The following SETD1A variants were observed in gnomAD, a reference collection of about 807,000 sequenced individuals.
SETD1A encodes histone-lysine N-methyltransferase SETD1A.
SETD1A carries 29 observed loss-of-function variants against 149.9 expected under a neutral mutation model. The ratio of observed to expected loss-of-function variants is 0.19; its 90% CI spans 0.14 to 0.26. SETD1A has a LOEUF of 0.26. Ranked by LOEUF, SETD1A falls within the 10% of genes least tolerant of loss-of-function variation. SETD1A has a pLI of 1.00. For missense variants in SETD1A, 2,109 were observed against 2,353.1 expected (o/e 0.90, Z 2.15); for synonymous variants, 1,141 against 968.5 (o/e 1.18, Z -3.31).
In SETD1A at chr16:30,983,557, T is replaced by C. The variant is rs549669711; in HGVS notation, c.4813-78T>C. ...GCTCCAGGCCTGGTGGGCGTGGACCTGGGGTGCTGGCTGGCAGGCGTGCTC... is the reference window on the plus strand; with the variant it reads ...GCTCCAGGCCTGGTGGGCGTGGACCCGGGGTGCTGGCTGGCAGGCGTGCTC... On this transcript the variant is annotated intron_variant, in intron 17 of 18. Transcript: ENST00000262519. This position sits in a 1 kb window ranked among gnomAD's most constrained non-coding sequence, Gnocchi z 6.8. 173 of 1,537,062 alleles carry C rather than the reference T, an allele frequency of 1.1e-4. No homozygotes were observed. In the Middle Eastern group the frequency reaches 1.4e-3, roughly 12 times the overall value.
chr16:30,960,076 G>A (rs1269207197), intron 3 of SETD1A, among the ~76,000 whole-genome samples: 3 of 151,984 alleles, frequency 2.0e-5, no homozygotes, highest in African/African-American at 7.3e-5. Flanking sequence ...AATCCTCCTG[G>A]CTCTTTTCTT....
chr16:30,982,872 C>T (rs996997653), intron 17 of SETD1A, among the ~76,000 whole-genome samples: 3 of 152,072 alleles, frequency 2.0e-5, no homozygotes, highest in Non-Finnish European at 4.4e-5. Flanking sequence ...CGGTGCTGCT[C>T]TTAGCTGCTG....
Position 30,961,164 on chromosome 16 carries a change from C to G in SETD1A, c.247-103C>G. On this transcript the variant is annotated intron_variant, in intron 3 of 18. Coordinates refer to ENST00000262519, the MANE Select transcript of SETD1A (RefSeq NM_014712.3). This position sits in a 1 kb window ranked among gnomAD's most constrained non-coding sequence, Gnocchi z 4.0. ...CCCCTTCCCTTGCCCCTCACTTTCC[C>G]GGATCTCTCTCTTGACTTCATGGAG... is the stretch of plus-strand genomic sequence containing the variant. The G allele has an allele frequency of 8.0e-7, 1 of 1,244,982 alleles. No individual in the cohort carries two copies. The allele number at this position is 1,244,982 out of a possible 1,614,324, so 77.1% of individuals were successfully genotyped here.
At chr16:30,978,853 TTG>T in intron 13 of SETD1A, among the ~76,000 whole-genome samples, 1 of 152,130 alleles carries the variant, frequency 6.6e-6, no homozygotes, top group Admixed American at 6.5e-5. Context: ...TTACAGCTTG[TTG>T]TGATGGTGTC....
chr16:30,966,108 T>C lies in SETD1A; in HGVS notation c.2227T>C (p.Tyr743His). The C allele has an allele frequency of 6.3e-7, 1 of 1,597,890 alleles. No homozygotes were observed. Among genetic ancestry groups the C allele is most frequent in the East Asian group, 2.2e-5 (1 of 44,614 alleles). The change falls in exon 8 of 19, where the codon TAC becomes CAC. Residue 743 changes from tyrosine (Y) to histidine (H), a missense_variant. By Grantham distance (83) the Tyr-to-His change is moderately conservative. Around this residue, in one of 8 missense-constraint regions of SETD1A, gnomAD observed 431 missense variants for 388.6 expected, o/e 1.11. Coordinates refer to ENST00000262519, the MANE Select transcript of SETD1A (RefSeq NM_014712.3). ...ACAGGGGCAGGAGGGCAGAGGGGCA[T>C]ACTCACGGGAGGCCTACCACCTGCC... ...YAQGQEGRGA[Y>H]SREAYHLPMP...
chr16:30,968,191 G>A (rs887142276), intron 10 of SETD1A, among the ~76,000 whole-genome samples: 7 of 151,756 alleles, frequency 4.6e-5, no homozygotes, highest in African/African-American at 1.7e-4. Flanking sequence ...GATCACCTGA[G>A]GTCAGAAGTT....
intron 5 of SETD1A, 57 bp from the exon 6 acceptor site, chr16:30,964,037 G>C: frequency 7.4e-7 from 1 of 1,351,754 alleles, no homozygotes; most frequent in South Asian, 1.2e-5. Flanking sequence ...GGAAAGGGCA[G>C]GTCTCAAGTG....
chr16:30,980,799 G>A lies in SETD1A; in HGVS notation c.4642G>A (p.Gly1548Ser), dbSNP rs2143589710. 5 of 1,611,828 alleles carry A rather than the reference G, an allele frequency of 3.1e-6. No homozygotes were observed. Among genetic ancestry groups the A allele is most frequent in the Non-Finnish European group, 4.2e-6 (5 of 1,179,206 alleles). Residue 1548 changes from glycine (G) to serine (S), a missense_variant, in exon 16 of 19, where the codon GGT (glycine) becomes AGT (serine). By Grantham distance (56) the Gly-to-Ser change is moderately conservative. Around this residue, in one of 8 missense-constraint regions of SETD1A, gnomAD observed 254 missense variants for 409.3 expected, o/e 0.62. Coordinates refer to ENST00000262519, the MANE Select transcript of SETD1A (RefSeq NM_014712.3). This position sits in a 1 kb window ranked among gnomAD's most constrained non-coding sequence, Gnocchi z 7.7. ...SEQRRLLSAIGTSAIMDSDLL... is the reference protein window; with the variant it reads ...SEQRRLLSAISTSAIMDSDLL... ...GCAGCGGCGGCTGCTGAGCGCCATC[G>A]GTACCTCCGCCATCATGGACAGTGA...
At chr16:30,966,848 C>T (rs2056154401) in intron 8 of SETD1A, 36 bp from the exon 9 acceptor site, 1 of 1,515,786 alleles carries the variant, frequency 6.6e-7, no homozygotes, top group Non-Finnish European at 8.9e-7. Flanking sequence ...TGCCTGGGTT[C>T]TGGGCGCTGG....
At chr16:30,972,559 A>C (rs1305733152) in intron 13 of SETD1A, among the ~76,000 whole-genome samples, 2 of 151,308 alleles carry the variant, frequency 1.3e-5, no homozygotes, top group Non-Finnish European at 2.9e-5. Flanking sequence ...AATGGCGTGA[A>C]CCCAGGAGGC....
At chr16:30,974,608 T>C (rs1311587088) in intron 13 of SETD1A, among the ~76,000 whole-genome samples, 2 of 152,160 alleles carry the variant, frequency 1.3e-5, no homozygotes. Context: ...TTGGTGACCT[T>C]ATCAATTTCA....
chr16:30,959,297 T>C, intron 3 of SETD1A, 111 bp downstream of exon 3: 1 of 774,470 alleles, frequency 1.3e-6, no homozygotes. Flanking sequence ...CAGCCAGATC[T>C]AGCAACCTCT....
At chr16:30,966,604 A>C (rs1401183256) in intron 8 of SETD1A, among the ~76,000 whole-genome samples, 1 of 152,230 alleles carries the variant, frequency 6.6e-6, no homozygotes, top group African/African-American at 2.4e-5. Context: ...TCCTGGCTCC[A>C]TTCCTTGCTG....
rs1464497418 is a variant in SETD1A at position 30,979,903 on chromosome 16, G to A, written c.4117G>A (p.Glu1373Lys). 1.3e-6 allele frequency: 2 copies of A among 1,534,286 alleles called. No homozygotes were observed. The highest frequency in any genetic ancestry group is 1.7e-6 in the Non-Finnish European group (2 of 1,146,162). The change falls in exon 14 of 19, where the codon GAG (glutamate) becomes AAG (lysine). Residue 1373 changes from glutamate (E) to lysine (K), a missense_variant. By Grantham distance (56) the Glu-to-Lys change is moderately conservative. Transcript: ENST00000262519. ...EEGEEEGEEE[E>K]EESSDSSSSS... ...GGGGGAGGAAGAGGGGGAGGAAGAG[G>A]AGGAGGAGTCCTCTGACAGCAGCAG...
At position 30,964,767 on chromosome 16, in the gene SETD1A, C is replaced by T; in HGVS notation, c.1025C>T (p.Ser342Phe). Residue 342 changes from serine (S) to phenylalanine (F), a missense_variant, in exon 7 of 19, where the codon TCC becomes TTC. This residue lies in a region of SETD1A where 410 missense variants were observed against 394.8 expected (regional missense o/e 1.04). Transcript: ENST00000262519. ...ACTGCCTCATCCTCCGCCTCTTCCT[C>T]CTCATTGTCCTCGTCCTCCTCGTCA... ...AATASSSASS[S>F]SLSSSSSSSS... is the part of the protein sequence containing the mutation. The T allele has an allele frequency of 6.2e-7, 1 of 1,614,236 alleles. No homozygotes were observed. The highest frequency in any genetic ancestry group is 1.7e-5 in the Admixed American group (1 of 60,028).
chr16:30,958,481 G>A, intron 1 of SETD1A: 1 of 515,906 alleles, frequency 1.9e-6, no homozygotes, highest in South Asian at 2.4e-5. Flanking sequence ...GGGAAGGTAA[G>A]GGGGCTCGAG....
chr16:30,962,830 A>G (rs1483024233), intron 4 of SETD1A, among the ~76,000 whole-genome samples: 1 of 152,230 alleles, frequency 6.6e-6, no homozygotes, highest in Non-Finnish European at 1.5e-5. Flanking sequence ...TTATAATCCC[A>G]GCTACTCGAG....
intron 3 of SETD1A, among the ~76,000 whole-genome samples, chr16:30,960,334 C>T (rs561772931): frequency 3.1e-4 from 47 of 152,318 alleles, no homozygotes; most frequent in Non-Finnish European, 5.4e-4. Context: ...GTGTTACATC[C>T]ACACCATAAC....
intron 13 of SETD1A, among the ~76,000 whole-genome samples, chr16:30,974,729 G>A (rs2056263742): frequency 6.6e-6 from 1 of 152,114 alleles, no homozygotes; most frequent in Admixed American, 6.6e-5. Flanking sequence ...AGTTGGGGCC[G>A]GGCGCAGTGG....
Sources: allele counts gnomAD v4.1 joint callset (sites outside exome capture counted in the v4.1 genomes callset), GRCh38; gene constraint gnomAD v4.1.1; regional missense constraint gnomAD v4.1.1; non-coding constraint Gnocchi (gnomAD v3.1); transcripts MANE v1.5; gene names NCBI Gene and HGNC (gene_info 2026-07-23, HGNC 2026-07-21).